SCTR: variants seen among roughly 807,000 people sequenced by gnomAD.
The protein encoded by SCTR is secretin receptor, also known as pancreatic secretin receptor.
Under a neutral mutation model 60.8 loss-of-function variants are expected in SCTR, and 56 were observed. That is an observed-to-expected ratio of 0.92 (90% CI 0.74 to 1.15). SCTR has a LOEUF of 1.15. Among genes scored for constraint, SCTR ranks in the 50% most tolerant of loss-of-function variants. SCTR has a pLI of 0.00. For synonymous variants in SCTR, 202 were observed against 217.0 expected, an observed-to-expected ratio of 0.93 and a Z score of 0.61; for missense variants, 562 against 550.4, an observed-to-expected ratio of 1.02 and a Z score of -0.21.
chr2:119,451,920 G>C, intron 9 of SCTR, 90 bp downstream of exon 9: 1 of 796,246 alleles, frequency 1.3e-6, no homozygotes, highest in Admixed American at 2.0e-5. Context: ...CCTGCAGGGA[G>C]CCCTGTCCTT....
chr2:119,524,215 G>A lies in SCTR; in HGVS notation c.12C>T (p.His4=), dbSNP rs1679379908. The A allele has an allele frequency of 2.0e-6, 3 of 1,509,928 alleles. No homozygotes were observed. Among genetic ancestry groups the A allele is most frequent in the Non-Finnish European group, 2.7e-6 (3 of 1,128,414 alleles). 93.5% of individuals were successfully genotyped at this position (1,509,928 alleles called of 1,614,324 possible). MRP[H]LSPPLQQLLL... ...GTAGCTGCTGCAGCGGCGGCGACAG[G>A]TGGGGACGCATGGTGCCCGCACGTT... The change falls in exon 1 of 13, where the codon CAC becomes CAT. Residue 4 remains histidine (H), a synonymous_variant. Coordinates refer to ENST00000019103, the MANE Select transcript of SCTR (RefSeq NM_002980.3).
At chr2:119,490,381 G>A (rs1416852383) in intron 2 of SCTR, among the ~76,000 whole-genome samples, 1 of 152,168 alleles carries the variant, frequency 6.6e-6, no homozygotes, top group Non-Finnish European at 1.5e-5. Flanking sequence ...AATGAGGGCC[G>A]GGAGTGCTCC....
chr2:119,469,045 C>T (rs1368382528), intron 4 of SCTR, among the ~76,000 whole-genome samples: 4 of 152,062 alleles, frequency 2.6e-5, no homozygotes, highest in Admixed American at 6.5e-5. Context: ...ACATTGAGTT[C>T]CCCACTGATG....
At chr2:119,460,118 C>T (rs2104794501) in intron 7 of SCTR, among the ~76,000 whole-genome samples, 1 of 151,846 alleles carries the variant, frequency 6.6e-6, no homozygotes, top group Non-Finnish European at 1.5e-5. Flanking sequence ...AGCAGGAGGG[C>T]TCAGCAAGCT....
chr2:119,453,242 G>T, intron 8 of SCTR, 45 bp downstream of exon 8: 1 of 1,418,074 alleles, frequency 7.1e-7, no homozygotes, highest in East Asian at 2.3e-5. Context: ...TGAAAAGCTG[G>T]ACGATGTCAG....
chr2:119,517,045 C>CCACA (rs58865201), intron 1 of SCTR, among the ~76,000 whole-genome samples: 25 of 151,456 alleles, frequency 1.7e-4, no homozygotes, highest in East Asian at 9.7e-4. Flanking sequence ...GGTGCTCTTA[C>CCACA]CACACACACA....
chr2:119,507,663 C>CTTTT (rs751779879), intron 1 of SCTR, among the ~76,000 whole-genome samples: 119 of 114,690 alleles, frequency 1.0e-3, no homozygotes, highest in Middle Eastern at 6.2e-3. Context: ...CTTTCTCGTT[C>CTTTT]TTTTTTTTTT....
intron 1 of SCTR, among the ~76,000 whole-genome samples, chr2:119,500,588 G>A (rs968274597): frequency 6.6e-6 from 1 of 152,188 alleles, no homozygotes; most frequent in Non-Finnish European, 1.5e-5. Flanking sequence ...AGTTGGAAAT[G>A]GAGGTCATTA....
intron 9 of SCTR, among the ~76,000 whole-genome samples, chr2:119,451,404 G>A (rs10167045): frequency 0.041 from 6,275 of 152,204 alleles, 415 homozygotes; most frequent in African/African-American, 0.14. Flanking sequence ...AAAAGAAATG[G>A]AATCAATAGC....
intron 1 of SCTR, among the ~76,000 whole-genome samples, chr2:119,513,862 A>G (rs752843517): frequency 6.6e-6 from 1 of 152,188 alleles, no homozygotes; most frequent in Non-Finnish European, 1.5e-5. Flanking sequence ...GAACCATGGA[A>G]CTGGTGCCCA....
At chr2:119,508,143 G>A (rs905089465) in intron 1 of SCTR, among the ~76,000 whole-genome samples, 3 of 152,250 alleles carry the variant, frequency 2.0e-5, no homozygotes, top group Middle Eastern at 6.8e-3. Context: ...AAAAACACAT[G>A]TGCAAATTCT....
At chr2:119,484,403 G>A (rs543098217) in intron 2 of SCTR, among the ~76,000 whole-genome samples, 2 of 152,284 alleles carry the variant, frequency 1.3e-5, no homozygotes, top group Non-Finnish European at 2.9e-5. Context: ...CACCACCTGG[G>A]GAGGAGGGGT....
At chr2:119,462,101 C>G in intron 6 of SCTR, 101 bp from the exon 7 acceptor site, 2 of 1,218,214 alleles carry the variant, frequency 1.6e-6, no homozygotes, top group South Asian at 1.6e-5. Context: ...GGGCAGGAGC[C>G]AGGCCACAAG....
At chr2:119,519,114 AC>A (rs1351035443) in intron 1 of SCTR, among the ~76,000 whole-genome samples, 1 of 152,090 alleles carries the variant, frequency 6.6e-6, no homozygotes, top group Non-Finnish European at 1.5e-5. Context: ...ATTACAGGCC[AC>A]CACGCCCAGC....
At chr2:119,448,881 G>T in intron 9 of SCTR, 101 bp from the exon 10 acceptor site, 1 of 675,422 alleles carries the variant, frequency 1.5e-6, no homozygotes, top group Non-Finnish European at 2.6e-6. Flanking sequence ...AGACATTGCA[G>T]ACACCACAGC....
At chr2:119,467,661 T>C (rs547537122) in intron 4 of SCTR, among the ~76,000 whole-genome samples, 1 of 152,128 alleles carries the variant, frequency 6.6e-6, no homozygotes, top group East Asian at 1.9e-4. Flanking sequence ...TAAAAGCATA[T>C]TTATACATGA....
At chr2:119,516,210 T>G (rs1679111031) in intron 1 of SCTR, among the ~76,000 whole-genome samples, 1 of 152,196 alleles carries the variant, frequency 6.6e-6, no homozygotes, top group Non-Finnish European at 1.5e-5. Context: ...GGAATCACAC[T>G]TCTGGTCATA....
At chr2:119,495,099 C>G (rs115946836) in intron 1 of SCTR, among the ~76,000 whole-genome samples, 2,044 of 127,496 alleles carry the variant, frequency 0.016, 32 homozygotes, top group South Asian at 0.044. Context: ...GCCACCATGC[C>G]TGGATATAGA....
chr2:119,511,453 T>G (rs1001432489), intron 1 of SCTR, among the ~76,000 whole-genome samples: 9 of 152,216 alleles, frequency 5.9e-5, no homozygotes, highest in Admixed American at 6.5e-5. Context: ...TCATGTAAAA[T>G]GATTATGTGT....
Sources: allele counts gnomAD v4.1 joint callset (sites outside exome capture counted in the v4.1 genomes callset), GRCh38; gene constraint gnomAD v4.1.1; transcripts MANE v1.5; gene names NCBI Gene and HGNC (gene_info 2026-07-23, HGNC 2026-07-21).